TNFRSF19: variants seen among roughly 807,000 people sequenced by gnomAD.
TNFRSF19 encodes tumor necrosis factor receptor superfamily member 19.
In TNFRSF19, 27 loss-of-function variants were observed where a neutral mutation model predicts 46.4. That is an observed-to-expected ratio of 0.58 (90% CI 0.43 to 0.80). The LOEUF (loss-of-function observed/expected upper bound fraction) is 0.80, where lower values mean the gene tolerates loss of function less well. TNFRSF19 is among the 30% of genes least tolerant of loss of function. The pLI is 0.00. For synonymous variants in TNFRSF19, 204 were observed against 205.0 expected (o/e 1.00, Z 0.04); for missense variants, 511 against 530.8 (o/e 0.96, Z 0.37).
chr13:23,623,015 C>T (rs932339392), intron 4 of TNFRSF19, among the ~76,000 whole-genome samples: 1 of 152,172 alleles, frequency 6.6e-6, no homozygotes, highest in Non-Finnish European at 1.5e-5. Flanking sequence ...GTGCGCAGTT[C>T]AGTAGAGTTA....
intron 7 of TNFRSF19, 37 bp from the exon 8 acceptor site, chr13:23,667,943 G>A (rs772975922): frequency 4.0e-6 from 6 of 1,507,952 alleles, no homozygotes; most frequent in Non-Finnish European, 5.4e-6. Flanking sequence ...CTGCCAGAAG[G>A]AGGCACTGTG....
rs376401688 is a variant in TNFRSF19 at position 23,642,895 on chromosome 13, C to T, written c.445+16103C>T. Among the ~76,000 whole-genome samples the T allele has an allele frequency of 2.8e-4, 43 of 152,326 alleles. 1 individual carries two copies. The highest frequency in any genetic ancestry group is 9.9e-4 in the African/African-American group (41 of 41,564). The stretch of plus-strand genomic sequence containing the variant: ...CTAAAATCAGGTTCATGTAAGCCAA[C>T]TTTAATGTGTGTTCACAGGCACATG... On this transcript the variant is annotated intron_variant, in intron 5 of 9. Transcript: ENST00000248484.
At chr13:23,663,726 G>T (rs1194705283) in intron 7 of TNFRSF19, among the ~76,000 whole-genome samples, 1 of 152,076 alleles carries the variant, frequency 6.6e-6, no homozygotes, top group Non-Finnish European at 1.5e-5. Flanking sequence ...TTTCTTCCTG[G>T]TTCAGTCTTG....
chr13:23,630,873 CTTTA>C (rs1005372344), intron 5 of TNFRSF19, among the ~76,000 whole-genome samples: 5 of 151,700 alleles, frequency 3.3e-5, no homozygotes, highest in African/African-American at 1.2e-4. Flanking sequence ...CAGAGTAAAA[CTTTA>C]TTTAAGTATG....
intron 4 of TNFRSF19, among the ~76,000 whole-genome samples, chr13:23,622,725 T>C (rs1319646382): frequency 6.6e-6 from 1 of 152,192 alleles, no homozygotes; most frequent in Non-Finnish European, 1.5e-5. Flanking sequence ...GGATATTACA[T>C]TTTTTAACTT....
At chr13:23,583,917 GT>G (rs1878638667) in intron 1 of TNFRSF19, among the ~76,000 whole-genome samples, 1 of 152,152 alleles carries the variant, frequency 6.6e-6, no homozygotes, top group African/African-American at 2.4e-5. Flanking sequence ...AAACACATTA[GT>G]TACAGTATGC....
At chr13:23,629,435 T>G (rs1882214508) in intron 5 of TNFRSF19, among the ~76,000 whole-genome samples, 1 of 152,176 alleles carries the variant, frequency 6.6e-6, no homozygotes, top group Admixed American at 6.5e-5. Context: ...GGATTTCCCA[T>G]TTCTGTCAGC....
At chr13:23,573,283 T>C (rs983154670) in intron 1 of TNFRSF19, among the ~76,000 whole-genome samples, 11 of 152,218 alleles carry the variant, frequency 7.2e-5, no homozygotes, top group Non-Finnish European at 1.6e-4. Flanking sequence ...CATTTTTTTT[T>C]TGTTTCCATG....
At chr13:23,661,286 A>G (rs935216454) in intron 7 of TNFRSF19, among the ~76,000 whole-genome samples, 3 of 152,178 alleles carry the variant, frequency 2.0e-5, no homozygotes, top group African/African-American at 7.2e-5. Flanking sequence ...AAGTGAGAAC[A>G]TGTGGTATTT....
At chr13:23,609,964 G>A (rs778810251) in intron 3 of TNFRSF19, among the ~76,000 whole-genome samples, 7 of 152,104 alleles carry the variant, frequency 4.6e-5, no homozygotes, top group Non-Finnish European at 8.8e-5. Flanking sequence ...GAAAGTTGAG[G>A]GGAAATATCT....
At chr13:23,591,668 G>A (rs974760766) in intron 2 of TNFRSF19, among the ~76,000 whole-genome samples, 1 of 151,444 alleles carries the variant, frequency 6.6e-6, no homozygotes, top group African/African-American at 2.4e-5. Context: ...GCAAGACTGG[G>A]AGTTGAGGAG....
At chr13:23,580,073 T>C (rs1191533107) in intron 1 of TNFRSF19, among the ~76,000 whole-genome samples, 1 of 152,092 alleles carries the variant, frequency 6.6e-6, no homozygotes, top group Non-Finnish European at 1.5e-5. Context: ...TATTGATGAG[T>C]AGAGCCTGTG....
chr13:23,660,431 T>G lies in TNFRSF19; in HGVS notation c.677T>G (p.Leu226Arg). ...CTGTCGTGTTTTGACAGACCTCAGCTCCACGAATATGCCCACAGAGCCTGC... is the reference window on the plus strand; with the variant it reads ...CTGTCGTGTTTTGACAGACCTCAGCGCCACGAATATGCCCACAGAGCCTGC... ...SELSCFDRPQLHEYAHRACCQ... is the reference protein window; with the variant it reads ...SELSCFDRPQRHEYAHRACCQ... Residue 226 changes from leucine to arginine, a missense_variant, in exon 7 of 10, where the codon CTC (leucine) becomes CGC (arginine). Physicochemically the swap from Leu to Arg is moderately radical, Grantham distance 102. Transcript: ENST00000248484. The G allele has an allele frequency of 3.1e-6, 5 of 1,613,844 alleles. No individual in the cohort carries two copies. The highest frequency in any genetic ancestry group is 3.4e-6 in the Non-Finnish European group (4 of 1,180,022).
intron 1 of TNFRSF19, among the ~76,000 whole-genome samples, chr13:23,588,972 C>G (rs929882812): frequency 1.6e-4 from 24 of 152,292 alleles, no homozygotes; most frequent in Middle Eastern, 3.4e-3. Flanking sequence ...CGTCAGCTCA[C>G]CCCTGATAGC....
chr13:23,582,796 T>G (rs1007469117), intron 1 of TNFRSF19, among the ~76,000 whole-genome samples: 4 of 152,254 alleles, frequency 2.6e-5, no homozygotes, highest in African/African-American at 9.6e-5. Flanking sequence ...GAATTTCATA[T>G]AAATGTAATC....
At chr13:23,598,349 C>T (rs760199574) in intron 3 of TNFRSF19, among the ~76,000 whole-genome samples, 7 of 152,104 alleles carry the variant, frequency 4.6e-5, no homozygotes, top group Non-Finnish European at 8.8e-5. Flanking sequence ...CAAACCTGCA[C>T]GTTCTGCACA....
At position 23,593,397 on chromosome 13, in the gene TNFRSF19, A is replaced by G. The variant is rs766392125; in HGVS notation, c.122A>G (p.Asp41Gly). 6.2e-7 allele frequency: 1 copy of G among 1,601,210 alleles called. No individual in the cohort carries two copies. ...GACTGTAGACAGCAAGAATTCAGGG[A>G]TCGGTCTGGAAACTGTGTTCCCTGC... Reference protein sequence around the residue: ...SGDCRQQEFRDRSGNCVPCNQ... With the variant: ...SGDCRQQEFRGRSGNCVPCNQ... Residue 41 changes from aspartate (D) to glycine (G), a missense_variant, in exon 3 of 10, where the codon GAT becomes GGT. By Grantham distance (94) the Asp-to-Gly change is moderately conservative. This residue lies in a region of TNFRSF19 where 121 missense variants were observed against 124.1 expected (regional missense o/e 0.98). Transcript: ENST00000248484.
intron 1 of TNFRSF19, among the ~76,000 whole-genome samples, chr13:23,578,546 C>A (rs1593224872): frequency 6.6e-6 from 1 of 152,194 alleles, no homozygotes; most frequent in East Asian, 1.9e-4. Flanking sequence ...AGACAAGAAA[C>A]AGGGACTTGG....
rs541209811 is a variant in TNFRSF19 at position 23,609,965 on chromosome 13, G to C, written c.181-5902G>C. Among the ~76,000 whole-genome samples, 34 of 152,218 alleles carry C rather than the reference G, an allele frequency of 2.2e-4. No homozygotes were observed. In the South Asian group the frequency reaches 6.8e-3, roughly 31 times the overall value. ...GCCTTTTAGAAACTGAAAGTTGAGG[G>C]GAAATATCTCTTCAATGTTGTTTCA... is the stretch of plus-strand genomic sequence containing the variant. On this transcript the variant is annotated intron_variant, in intron 3 of 9. Coordinates refer to ENST00000248484, the MANE Select transcript of TNFRSF19 (RefSeq NM_148957.4).
Sources: gnomAD v4.1 joint callset for allele counts (sites outside exome capture counted in the v4.1 genomes callset) on GRCh38, gnomAD v4.1.1 for gene constraint, gnomAD v4.1.1 regional missense constraint, MANE v1.5 for transcripts, NCBI Gene and HGNC (gene_info 2026-07-23, HGNC 2026-07-21) for gene names.